The following KALRN variants were observed in gnomAD, a reference collection of about 807,000 sequenced individuals.
The protein encoded by KALRN is kalirin.
In KALRN, 70 loss-of-function variants were observed where a neutral mutation model predicts 353.7. The ratio of observed to expected loss-of-function variants is 0.20; its 90% CI spans 0.16 to 0.24. The LOEUF is 0.24. Ranked by LOEUF, KALRN falls within the 10% of genes least tolerant of loss-of-function variation. The pLI is 1.00. For synonymous variants in KALRN, 1,391 were observed against 1,434.8 expected (o/e 0.97, Z 0.69); for missense variants, 2,791 against 3,756.7 (o/e 0.74, Z 6.72).
chr3:124,094,813 C>G, intron 1 of KALRN: 1 of 1,608,748 alleles, frequency 6.2e-7, no homozygotes. Flanking sequence ...AGGGGACTGG[C>G]TGTGAAGGAT....
At chr3:124,458,785 T>C (rs2059581470) in intron 23 of KALRN, among the ~76,000 whole-genome samples, 1 of 151,876 alleles carries the variant, frequency 6.6e-6, no homozygotes, top group Admixed American at 6.6e-5. Context: ...AATACAAAAC[T>C]TAGCTGGGCA....
intron 37 of KALRN, among the ~76,000 whole-genome samples, chr3:124,647,782 A>T (rs1313503635): frequency 1.3e-5 from 2 of 152,208 alleles, no homozygotes; most frequent in Non-Finnish European, 2.9e-5. Flanking sequence ...CCATGCAGGG[A>T]GTATGTAAAG....
At chr3:124,361,296 T>G (rs1246392817) in intron 10 of KALRN, among the ~76,000 whole-genome samples, 1 of 152,240 alleles carries the variant, frequency 6.6e-6, no homozygotes, top group African/African-American at 2.4e-5. Flanking sequence ...TACATATTTT[T>G]CAATGTAAAA....
intron 25 of KALRN, among the ~76,000 whole-genome samples, chr3:124,468,280 C>T (rs1026344656): frequency 6.6e-5 from 10 of 152,148 alleles, no homozygotes; most frequent in African/African-American, 1.9e-4. Flanking sequence ...ATTTCTTCCT[C>T]CTCCTCTTTT....
chr3:124,331,684 C>T (rs1437712328), intron 8 of KALRN, among the ~76,000 whole-genome samples: 5 of 152,122 alleles, frequency 3.3e-5, no homozygotes, highest in Admixed American at 6.5e-5. Flanking sequence ...AAATTTACTC[C>T]TTGCAAAATA....
intron 33 of KALRN, among the ~76,000 whole-genome samples, chr3:124,545,436 G>C (rs1231157802): frequency 6.6e-6 from 1 of 151,896 alleles, no homozygotes; most frequent in Non-Finnish European, 1.5e-5. Context: ...TGATGTGTAG[G>C]GTATTTTTCT....
chr3:124,462,714 G>A, intron 25 of KALRN, 81 bp downstream of exon 25: 4 of 768,670 alleles, frequency 5.2e-6, no homozygotes, highest in Non-Finnish European at 8.9e-6. Context: ...TGGATCAAAG[G>A]CGATTGGTGA....
At chr3:124,625,557 T>C (rs929519829) in intron 34 of KALRN, among the ~76,000 whole-genome samples, 11 of 150,812 alleles carry the variant, frequency 7.3e-5, no homozygotes, top group African/African-American at 2.4e-4. Flanking sequence ...CCCATCTCTA[T>C]CTTCTTCCAA....
chr3:124,044,934 T>C (rs1389304360), intron 1 of KALRN, among the ~76,000 whole-genome samples: 1 of 149,956 alleles, frequency 6.7e-6, no homozygotes, highest in Non-Finnish European at 1.5e-5. Context: ...CTTCCTTCTC[T>C]TCATTCATTT....
At chr3:124,486,755 T>C (rs1219352977) in intron 28 of KALRN, among the ~76,000 whole-genome samples, 1 of 152,222 alleles carries the variant, frequency 6.6e-6, no homozygotes, top group African/African-American at 2.4e-5. Flanking sequence ...GCCAGGTTGA[T>C]CTACAAGGTC....
chr3:124,214,253 G>A (rs557779865), intron 1 of KALRN, among the ~76,000 whole-genome samples: 2 of 151,960 alleles, frequency 1.3e-5, no homozygotes, highest in South Asian at 2.1e-4. Flanking sequence ...ACAATATACC[G>A]GAAAATTTCC....
intron 56 of KALRN, among the ~76,000 whole-genome samples, chr3:124,701,022 C>G (rs1299261644): frequency 6.6e-6 from 1 of 152,242 alleles, no homozygotes; most frequent in Non-Finnish European, 1.5e-5. Flanking sequence ...AGGCTGTGCT[C>G]TGGGAAACCT....
intron 16 of KALRN, among the ~76,000 whole-genome samples, chr3:124,431,467 T>C (rs181298021): frequency 6.6e-6 from 1 of 152,364 alleles, no homozygotes; most frequent in East Asian, 1.9e-4. Flanking sequence ...TTATCCTTTT[T>C]AACTAGGACA....
chr3:124,480,334 G>T (rs191947276), intron 27 of KALRN, among the ~76,000 whole-genome samples: 11 of 152,120 alleles, frequency 7.2e-5, no homozygotes, highest in African/African-American at 2.7e-4. Flanking sequence ...TTCTGGGATA[G>T]AAATCATTTC....
intron 1 of KALRN, among the ~76,000 whole-genome samples, chr3:124,099,852 G>T (rs1247667265): frequency 6.6e-6 from 1 of 152,156 alleles, no homozygotes; most frequent in East Asian, 1.9e-4. Flanking sequence ...TTGGCCATTT[G>T]TATGTATTCT....
At chr3:124,244,451 G>A (rs1421415930) in intron 3 of KALRN, among the ~76,000 whole-genome samples, 2 of 151,968 alleles carry the variant, frequency 1.3e-5, no homozygotes, top group Admixed American at 6.6e-5. Flanking sequence ...TGGGCAGGCT[G>A]GTCTGGAACT....
intron 13 of KALRN, among the ~76,000 whole-genome samples, chr3:124,403,594 G>A (rs1435017640): frequency 1.3e-5 from 2 of 152,212 alleles, no homozygotes; most frequent in Non-Finnish European, 2.9e-5. Flanking sequence ...TAAGGCTGGG[G>A]AGAAATGGCA....
At chr3:124,410,687 A>T (rs192945521) in intron 13 of KALRN, among the ~76,000 whole-genome samples, 2 of 152,218 alleles carry the variant, frequency 1.3e-5, no homozygotes, top group African/African-American at 4.8e-5. Flanking sequence ...AAATAGACTG[A>T]TAATGCCAAG....
chr3:124,569,912 A>G (rs1402268140), intron 34 of KALRN, among the ~76,000 whole-genome samples: 2 of 152,232 alleles, frequency 1.3e-5, no homozygotes, highest in East Asian at 3.8e-4. Context: ...CAGCTGGAGC[A>G]GAATGACTCC....
Sources: allele counts gnomAD v4.1 joint callset (sites outside exome capture counted in the v4.1 genomes callset), GRCh38; gene constraint gnomAD v4.1.1; transcripts MANE v1.5; gene names NCBI Gene and HGNC (gene_info 2026-07-23, HGNC 2026-07-21).